The following COCH variants were observed in gnomAD, a reference collection of about 807,000 sequenced individuals.
COCH encodes cochlin, also known as coagulation factor C homolog, cochlin (Limulus polyphemus).
A neutral mutation model predicts 54.8 loss-of-function variants in COCH; 40 were observed. The observed-to-expected ratio is 0.73, with a 90% CI of 0.57 to 0.95. The LOEUF (loss-of-function observed/expected upper bound fraction) is 0.95, where lower values mean the gene tolerates loss of function less well. Among genes scored for constraint, COCH ranks in the 40% least tolerant of loss-of-function variants. COCH has a pLI of 0.00. For missense variants in COCH, 605 were observed against 675.0 expected (o/e 0.90, Z 1.15); for synonymous variants, 256 against 237.9 (o/e 1.08, Z -0.70).
chr14:30,893,281 G>C (rs28715087), downstream of COCH, among the ~76,000 whole-genome samples: 21 of 151,446 alleles, frequency 1.4e-4, no homozygotes, highest in African/African-American at 3.4e-4. Context: ...CGAGTAGCTG[G>C]GACCATAGGC....
In COCH at chr14:30,885,832, A is replaced by G; in HGVS notation, c.997A>G (p.Met333Val). 7 of 1,614,070 alleles carry G rather than the reference A, an allele frequency of 4.3e-6. No individual in the cohort carries two copies. The highest frequency in any genetic ancestry group is 5.1e-6 in the Non-Finnish European group (6 of 1,179,970). Residue 333 changes from methionine to valine, a missense_variant, in exon 11 of 12, where the codon ATG (methionine) becomes GTG (valine). By Grantham distance (21) the Met-to-Val change is conservative (BLOSUM62 1). Coordinates refer to ENST00000396618, the MANE Select transcript of COCH (RefSeq NM_004086.3). Reference sequence around the variant, plus strand: ...GAATAATGGCTTCTTCTCTTACCACATGCCCAACTGGTTTGGCACCACAAA... The same window carrying G: ...GAATAATGGCTTCTTCTCTTACCACGTGCCCAACTGGTTTGGCACCACAAA... ...CRNNGFFSYH[M>V]PNWFGTTKYV...
chr14:30,884,707 A>G, intron 9 of COCH, 51 bp downstream of exon 9: 1 of 1,405,754 alleles, frequency 7.1e-7, no homozygotes, highest in Non-Finnish European at 1.0e-6. Flanking sequence ...GTTATCAGTG[A>G]TCAGACATGT....
Position 30,889,813 on chromosome 14 carries a change from A to T in COCH, c.*22A>T. ...ATAATGGTAACATTTTGACAACTGA[A>T]AGAAAAAGTACAAGGGGATCCAGTG... On this transcript the variant is annotated 3_prime_UTR_variant, in exon 12 of 12. Coordinates refer to ENST00000396618, the MANE Select transcript of COCH (RefSeq NM_004086.3). The T allele has an allele frequency of 6.2e-7, 1 of 1,606,648 alleles. No homozygotes were observed. The highest frequency in any genetic ancestry group is 8.5e-7 in the Non-Finnish European group (1 of 1,174,576).
At chr14:30,878,377 G>A (rs1895446191) in intron 4 of COCH, among the ~76,000 whole-genome samples, 1 of 152,200 alleles carries the variant, frequency 6.6e-6, no homozygotes, top group Non-Finnish European at 1.5e-5. Flanking sequence ...AAGGCTAGCA[G>A]CAGCTGGGAG....
Position 30,878,877 on chromosome 14 carries a change from C to T in COCH, c.306C>T (p.Ser102=). 1 of 1,614,150 alleles carries T rather than the reference C, an allele frequency of 6.2e-7. No homozygotes were observed. The highest frequency in any genetic ancestry group is 8.5e-7 in the Non-Finnish European group (1 of 1,180,018). ...VYSLPGRENY[S]SVDANGIQSQ... is the part of the protein sequence containing the mutation. ...GCCTACCTGGTCGAGAAAACTATTC[C>T]TCAGTAGATGCCAATGGCATCCAGT... is the stretch of plus-strand genomic sequence containing the variant. Residue 102 remains serine, a synonymous_variant, in exon 5 of 12, where the codon TCC becomes TCT. Coordinates refer to ENST00000396618, the MANE Select transcript of COCH (RefSeq NM_004086.3).
chr14:30,885,985 C>T lies in COCH; in HGVS notation c.1150C>T (p.Arg384Cys), dbSNP rs756541797. The T allele has an allele frequency of 5.3e-5, 86 of 1,614,068 alleles. No individual in the cohort carries two copies. The highest frequency in any genetic ancestry group is 1.6e-4 in the Middle Eastern group (1 of 6,084). ...CAGCAGTGTTGGAGATAGCAATTTCCGCCTCATGCTTGAATTTGTTTCCAA... is the reference window on the plus strand; with the variant it reads ...CAGCAGTGTTGGAGATAGCAATTTCTGCCTCATGCTTGAATTTGTTTCCAA... ...GSSSVGDSNF[R>C]LMLEFVSNIA... The change falls in exon 11 of 12, where the codon CGC becomes TGC. Residue 384 changes from arginine to cysteine, a missense_variant. Physicochemically the swap from Arg to Cys is radical, Grantham distance 180. Transcript: ENST00000396618.
chr14:30,882,120 GTT>G (rs61175020), intron 8 of COCH, among the ~76,000 whole-genome samples: 15 of 67,912 alleles, frequency 2.2e-4, no homozygotes, highest in East Asian at 4.0e-4. Flanking sequence ...CTATAAAATG[GTT>G]TTTTTTTTTT....
intron 2 of COCH, 32 bp downstream of exon 2, chr14:30,875,004 T>C: frequency 6.2e-7 from 1 of 1,612,978 alleles, no homozygotes; most frequent in Non-Finnish European, 8.5e-7. Flanking sequence ...CCCCGGCCCC[T>C]TGCTCCGCTG....
At chr14:30,890,925 G>A (rs1895961721), downstream of COCH, among the ~76,000 whole-genome samples, 1 of 151,972 alleles carries the variant, frequency 6.6e-6, no homozygotes, top group Non-Finnish European at 1.5e-5. Flanking sequence ...TGTAGTCTGA[G>A]CTACTTGGGA....
At chr14:30,895,567 G>C, downstream of COCH, 1 of 1,613,488 alleles carries the variant, frequency 6.2e-7, no homozygotes, top group South Asian at 1.1e-5. Context: ...ATAATCTGAT[G>C]GAACAGTCAT....
intron 5 of COCH, among the ~76,000 whole-genome samples, chr14:30,879,162 T>C (rs180767815): frequency 2.3e-4 from 35 of 152,296 alleles, no homozygotes; most frequent in Middle Eastern, 3.4e-3. Flanking sequence ...ATGATGGCAA[T>C]AGAAACTTGA....
At position 30,875,122 on chromosome 14, in the gene COCH, G is replaced by A. The variant is rs746291086; in HGVS notation, c.82+19G>A. 9 of 1,553,666 alleles carry A rather than the reference G, an allele frequency of 5.8e-6. No individual in the cohort carries two copies. The highest frequency in any genetic ancestry group is 1.9e-5 in the Admixed American group (1 of 51,324). ...GGAGCCGGTGAGTGGGGGAGCTGGGGTGCGTCCAGGCGGTCGCAGGGGCTG... is the reference window on the plus strand; with the variant it reads ...GGAGCCGGTGAGTGGGGGAGCTGGGATGCGTCCAGGCGGTCGCAGGGGCTG... On this transcript the variant is annotated intron_variant, in intron 3 of 11. Transcript: ENST00000396618.
chr14:30,893,063 TAAGAC>T (rs1022810632), downstream of COCH, among the ~76,000 whole-genome samples: 9 of 151,716 alleles, frequency 5.9e-5, no homozygotes, highest in African/African-American at 2.2e-4. Flanking sequence ...TTTAACATTA[TAAGAC>T]AACTTTTAAC....
chr14:30,884,096 C>T (rs1398368408), intron 8 of COCH, among the ~76,000 whole-genome samples: 4 of 152,146 alleles, frequency 2.6e-5, no homozygotes, highest in Admixed American at 1.3e-4. Context: ...CCCAACTCTG[C>T]GGACTTCTGT....
chr14:30,889,486 T>TTTAA, intron 11 of COCH, 130 bp from the exon 12 acceptor site: 1 of 808,368 alleles, frequency 1.2e-6, no homozygotes, highest in East Asian at 2.7e-5. Context: ...GTTCAGGGGA[T>TTTAA]TTAATTGTCC....
intron 11 of COCH, among the ~76,000 whole-genome samples, chr14:30,887,579 AC>A (rs1895834515): frequency 6.6e-6 from 1 of 152,200 alleles, no homozygotes; most frequent in Admixed American, 6.5e-5. Flanking sequence ...AAATAGGCCA[AC>A]AAAAAGCTAA....
chr14:30,891,132 A>G (rs1193227598), downstream of COCH, among the ~76,000 whole-genome samples: 2 of 152,254 alleles, frequency 1.3e-5, no homozygotes, highest in South Asian at 2.1e-4. Context: ...ACAGTATAAG[A>G]TATTTTTGAG....
Position 30,880,714 on chromosome 14 carries a change from T to G in COCH, c.609T>G (p.His203Gln). 6.2e-7 allele frequency: 1 copy of G among 1,613,890 alleles called. No individual in the cohort carries two copies. Among genetic ancestry groups the G allele is most frequent in the South Asian group, 1.1e-5 (1 of 91,074 alleles). ...LMLGIGTEGP[H>Q]VGLVQASEHP... ...TGGGAATTGGAACAGAAGGACCACATGTGGGCCTTGTTCAAGCCAGGTACC... is the reference window on the plus strand; with the variant it reads ...TGGGAATTGGAACAGAAGGACCACAGGTGGGCCTTGTTCAAGCCAGGTACC... Residue 203 changes from histidine (H) to glutamine (Q), a missense_variant, in exon 8 of 12, where the codon CAT becomes CAG. His to Gln is a conservative substitution (Grantham distance 24). Transcript: ENST00000396618.
Position 30,890,585 on chromosome 14 carries a change from T to A in COCH, c.*794T>A, listed in dbSNP as rs1490936252. 1.0e-6 allele frequency: 1 copy of A among 972,406 alleles called. No individual in the cohort carries two copies. The highest frequency in any genetic ancestry group is 1.8e-5 in the African/African-American group (1 of 56,920). 60.2% of individuals were successfully genotyped at this position (972,406 alleles called of 1,614,324 possible). On this transcript the variant is annotated 3_prime_UTR_variant, in exon 12 of 12. Coordinates refer to ENST00000396618, the MANE Select transcript of COCH (RefSeq NM_004086.3). ...CAGAAAAAATATTGTAGTTTGAATA[T>A]TTAAGCAATAAAACTGCTAGTGAGT...
Sources: allele counts gnomAD v4.1 joint callset (sites outside exome capture counted in the v4.1 genomes callset), GRCh38; gene constraint gnomAD v4.1.1; transcripts MANE v1.5; gene names NCBI Gene and HGNC (gene_info 2026-07-23, HGNC 2026-07-21).